The following SHISA9 variants were observed in gnomAD, a reference collection of about 807,000 sequenced individuals.
The protein encoded by SHISA9 is protein shisa-9.
SHISA9 carries 13 observed loss-of-function variants against 38.0 expected under a neutral mutation model. That is an observed-to-expected ratio of 0.34 (90% CI 0.22 to 0.54). The LOEUF (loss-of-function observed/expected upper bound fraction) is 0.54. Ranked by LOEUF, SHISA9 falls within the 20% of genes least tolerant of loss-of-function variation. SHISA9 has a pLI of 0.91. For missense variants in SHISA9, 538 were observed against 575.8 expected (o/e 0.93, Z 0.67); for synonymous variants, 275 against 242.0 (o/e 1.14, Z -1.27).
At chr16:13,014,035 T>G (rs1162458609) in intron 2 of SHISA9, among the ~76,000 whole-genome samples, 1 of 152,088 alleles carries the variant, frequency 6.6e-6, no homozygotes. Flanking sequence ...GGCCTGAAAA[T>G]AATACCTTTA....
intron 2 of SHISA9, among the ~76,000 whole-genome samples, chr16:12,947,681 CT>C (rs2071704981): frequency 6.6e-6 from 1 of 152,098 alleles, no homozygotes; most frequent in Non-Finnish European, 1.5e-5. Context: ...ATATTCGATG[CT>C]TTTAGGATAA....
At chr16:13,249,177 T>G in the SHISA9 span, among the ~76,000 whole-genome samples, 3 of 152,226 alleles carry the variant, frequency 2.0e-5, no homozygotes, top group Admixed American at 6.5e-5. Flanking sequence ...CTTTTCTGAC[T>G]TCTCAGAGAC....
chr16:13,068,125 T>G (rs1156258914), intron 2 of SHISA9, among the ~76,000 whole-genome samples: 1 of 152,192 alleles, frequency 6.6e-6, no homozygotes, highest in East Asian at 1.9e-4. Context: ...AAATGAGAGT[T>G]CTGGGTCCTA....
intron 1 of SHISA9, 79 bp downstream of exon 1, chr16:12,902,706 GCGCTCCCCA>G: frequency 1.5e-6 from 2 of 1,364,278 alleles, no homozygotes; most frequent in Non-Finnish European, 2.0e-6. Context: ...CCAGGCAATG[GCGCTCCCCA>G]CGGTCCCCGC....
chr16:13,001,051 C>T (rs2072518256), intron 2 of SHISA9, among the ~76,000 whole-genome samples: 2 of 152,140 alleles, frequency 1.3e-5, no homozygotes, highest in Admixed American at 6.5e-5. Context: ...CCTCACCCCG[C>T]CGAGTAGCTG....
chr16:13,421,772 T>C, the SHISA9 span, among the ~76,000 whole-genome samples: 2 of 152,230 alleles, frequency 1.3e-5, no homozygotes. Flanking sequence ...CTTCCCCTTC[T>C]TCCAGGCCAT....
the SHISA9 span, among the ~76,000 whole-genome samples, chr16:13,545,117 C>T: frequency 6.6e-6 from 1 of 152,160 alleles, no homozygotes; most frequent in African/African-American, 2.4e-5. Flanking sequence ...CAACTTCATC[C>T]TCACAATAAT....
At chr16:13,408,984 T>A in the SHISA9 span, among the ~76,000 whole-genome samples, 1 of 152,176 alleles carries the variant, frequency 6.6e-6, no homozygotes, top group Non-Finnish European at 1.5e-5. Context: ...CAAAAAGTTG[T>A]CTTTTGGCCT....
At chr16:12,912,749 G>T (rs954700540) in intron 1 of SHISA9, among the ~76,000 whole-genome samples, 15 of 152,112 alleles carry the variant, frequency 9.9e-5, no homozygotes, top group African/African-American at 3.6e-4. Flanking sequence ...CCCAATCCCC[G>T]CACTGCTTAG....
chr16:13,396,836 G>A, the SHISA9 span, among the ~76,000 whole-genome samples: 26 of 152,138 alleles, frequency 1.7e-4, no homozygotes, highest in Middle Eastern at 3.4e-3. Context: ...CTCCCCATGA[G>A]TCCCCATCAC....
chr16:13,028,689 C>T (rs2072955148), intron 2 of SHISA9, among the ~76,000 whole-genome samples: 1 of 152,104 alleles, frequency 6.6e-6, no homozygotes, highest in Non-Finnish European at 1.5e-5. Flanking sequence ...ATATCAAAAG[C>T]CTTCAGCAGT....
intron 2 of SHISA9, among the ~76,000 whole-genome samples, chr16:13,141,976 T>A (rs969800750): frequency 6.6e-6 from 1 of 152,190 alleles, no homozygotes; most frequent in Non-Finnish European, 1.5e-5. Context: ...GATCTGTAGA[T>A]CTTCCATGCT....
At chr16:13,398,512 T>C in the SHISA9 span, among the ~76,000 whole-genome samples, 3 of 151,938 alleles carry the variant, frequency 2.0e-5, no homozygotes, top group Non-Finnish European at 4.4e-5. Context: ...ATTTTTTTTT[T>C]TTTTTTGACA....
At chr16:13,524,241 A>G in the SHISA9 span, among the ~76,000 whole-genome samples, 1 of 152,172 alleles carries the variant, frequency 6.6e-6, no homozygotes, top group African/African-American at 2.4e-5. Context: ...AGCCTCACAC[A>G]TTGCCCCCGG....
At chr16:13,140,023 G>T (rs896079536) in intron 2 of SHISA9, among the ~76,000 whole-genome samples, 1 of 151,296 alleles carries the variant, frequency 6.6e-6, no homozygotes, top group Admixed American at 6.6e-5. Context: ...ATTCCTTCTT[G>T]TTTTGCGAGT....
At chr16:13,208,443 C>CTTTTTTTTTTTTTTTT (rs71395107) in intron 3 of SHISA9, among the ~76,000 whole-genome samples, 3 of 125,082 alleles carry the variant, frequency 2.4e-5, no homozygotes, top group Non-Finnish European at 4.8e-5. Flanking sequence ...CTTTTTTTTT[C>CTTTTTTTTTTTTTTTT]TTTTTTTTTT....
chr16:13,504,347 A>G, the SHISA9 span, among the ~76,000 whole-genome samples: 1 of 152,076 alleles, frequency 6.6e-6, no homozygotes, highest in Non-Finnish European at 1.5e-5. Flanking sequence ...CAACTAACTG[A>G]TTTTCTTTTC....
At chr16:13,543,060 T>C in the SHISA9 span, among the ~76,000 whole-genome samples, 1 of 152,218 alleles carries the variant, frequency 6.6e-6, no homozygotes. Context: ...CCTTTATTCA[T>C]TCCACAAATA....
the SHISA9 span, among the ~76,000 whole-genome samples, chr16:13,408,720 A>C: frequency 6.6e-6 from 1 of 152,206 alleles, no homozygotes; most frequent in Non-Finnish European, 1.5e-5. Context: ...CATACATTTC[A>C]AACCTGTTTT....
Sources: gnomAD v4.1 joint callset for allele counts (sites outside exome capture counted in the v4.1 genomes callset) on GRCh38, gnomAD v4.1.1 for gene constraint, MANE v1.5 for transcripts, NCBI Gene and HGNC (gene_info 2026-07-23, HGNC 2026-07-21) for gene names.